The following HNRNPUL1 variants were observed in gnomAD, a reference collection of about 807,000 sequenced individuals.
HNRNPUL1 encodes heterogeneous nuclear ribonucleoprotein U like 1.
Under a neutral mutation model 108.5 loss-of-function variants are expected in HNRNPUL1, and 14 were observed. That is an observed-to-expected ratio of 0.13 (90% confidence interval 0.09 to 0.20). The LOEUF is 0.20. Among genes scored for constraint, HNRNPUL1 ranks in the 10% least tolerant of loss-of-function variants. HNRNPUL1 has a pLI of 1.00. For synonymous variants in HNRNPUL1, 422 were observed against 445.2 expected (o/e 0.95, Z 0.66); for missense variants, 804 against 1,168.3 (o/e 0.69, Z 4.55).
chr19:41,274,778 A>G (rs184660107), intron 4 of HNRNPUL1, among the ~76,000 whole-genome samples: 30 of 152,338 alleles, frequency 2.0e-4, no homozygotes, highest in African/African-American at 7.2e-4. Context: ...ATCTATTTCT[A>G]CAGAAGCTTC....
rs181868819 is a variant in HNRNPUL1 at position 41,271,333 on chromosome 19, T to C, written c.419-749T>C. ...CCACAGACATTCATCAGGAGCCCTGTGTGAGCCCAACCTATTGCTGGGAAC... is the reference window on the plus strand; with the variant it reads ...CCACAGACATTCATCAGGAGCCCTGCGTGAGCCCAACCTATTGCTGGGAAC... On this transcript the variant is annotated intron_variant, in intron 2 of 14. Coordinates refer to ENST00000392006, the MANE Select transcript of HNRNPUL1 (RefSeq NM_007040.6). 3.9e-5 allele frequency among the ~76,000 whole-genome samples: 6 copies of C among 152,322 alleles called. No individual in the cohort carries two copies. In the East Asian group the frequency reaches 9.6e-4, roughly 24 times the overall value.
intron 7 of HNRNPUL1, among the ~76,000 whole-genome samples, chr19:41,289,101 T>G (rs149939880): frequency 6.6e-6 from 1 of 152,272 alleles, no homozygotes; most frequent in East Asian, 1.9e-4. Context: ...TGCCAAAGTC[T>G]GTTCTTTCAG....
chr19:41,279,265 G>A (rs939366090), intron 6 of HNRNPUL1, 89 bp downstream of exon 6: 20 of 883,028 alleles, frequency 2.3e-5, no homozygotes, highest in Middle Eastern at 2.3e-4. Context: ...CTTTTCCAGC[G>A]TCAGACTTAG....
intron 7 of HNRNPUL1, among the ~76,000 whole-genome samples, chr19:41,288,395 C>T (rs1199080314): frequency 6.6e-6 from 1 of 151,992 alleles, no homozygotes; most frequent in Non-Finnish European, 1.5e-5. Context: ...CAGGCATGCG[C>T]CAGCATGCCC....
chr19:41,297,665 A>C lies in HNRNPUL1; in HGVS notation c.1518+2979A>C, dbSNP rs1301196338. 2.6e-5 allele frequency among the ~76,000 whole-genome samples: 4 copies of C among 152,228 alleles called. No homozygotes were observed. In the East Asian group the frequency reaches 7.7e-4, roughly 29 times the overall value. On this transcript the variant is annotated intron_variant, in intron 10 of 14. Transcript: ENST00000392006. ...CCGCAGGGCCATGTTGCCCAAGCCC[A>C]CCCCAGAGTAGGGCACTGTTGCCTG...
At chr19:41,277,599 C>G (rs1005642573) in intron 5 of HNRNPUL1, among the ~76,000 whole-genome samples, 1 of 152,118 alleles carries the variant, frequency 6.6e-6, no homozygotes, top group East Asian at 1.9e-4. Flanking sequence ...CTCTGCCTCC[C>G]GGGTTCAAGC....
chr19:41,273,341 G>A (rs1599774752), intron 3 of HNRNPUL1, among the ~76,000 whole-genome samples: 1 of 152,184 alleles, frequency 6.6e-6, no homozygotes, highest in Admixed American at 6.5e-5. Context: ...AGTGCACTGC[G>A]ACCACCCAGA....
At chr19:41,274,294 G>A (rs1180523321) in intron 4 of HNRNPUL1, among the ~76,000 whole-genome samples, 1 of 152,214 alleles carries the variant, frequency 6.6e-6, no homozygotes, top group Non-Finnish European at 1.5e-5. Context: ...TCAGGAAGGA[G>A]TAAATCTGCT....
At chr19:41,263,840 G>T (rs1044401865), upstream of HNRNPUL1, among the ~76,000 whole-genome samples, 1 of 152,178 alleles carries the variant, frequency 6.6e-6, no homozygotes, top group Non-Finnish European at 1.5e-5. Flanking sequence ...CTAACGGCAA[G>T]GGGCGGGCTC....
chr19:41,263,554 C>T (rs553348901), upstream of HNRNPUL1, among the ~76,000 whole-genome samples: 22 of 152,318 alleles, frequency 1.4e-4, no homozygotes, highest in African/African-American at 5.3e-4. Context: ...TTACAACTTG[C>T]CTCCCGTTGT....
intron 7 of HNRNPUL1, among the ~76,000 whole-genome samples, chr19:41,286,101 C>G (rs1432291485): frequency 6.6e-6 from 1 of 152,058 alleles, no homozygotes; most frequent in African/African-American, 2.4e-5. Flanking sequence ...AAATTAATAG[C>G]CTACTGATAA....
chr19:41,264,488 C>T lies in HNRNPUL1; in HGVS notation c.-16C>T. On this transcript the variant is annotated 5_prime_UTR_variant, in exon 1 of 15. Transcript: ENST00000392006. ...AGGCCGGGCCGGGCTCGGGGGCCAC[C>T]CCGGGGGCCCGGGCCATGGATGTGC... is the stretch of plus-strand genomic sequence containing the variant. 7.4e-7 allele frequency: 1 copy of T among 1,351,376 alleles called. No individual in the cohort carries two copies. The highest frequency in any genetic ancestry group is 9.5e-7 in the Non-Finnish European group (1 of 1,050,524). 83.7% of individuals were successfully genotyped at this position (1,351,376 alleles called of 1,614,324 possible).
intron 7 of HNRNPUL1, among the ~76,000 whole-genome samples, chr19:41,285,024 A>G (rs962471016): frequency 6.6e-6 from 1 of 151,720 alleles, no homozygotes; most frequent in East Asian, 1.9e-4. Context: ...GGGCATACCT[A>G]TAGGCTATAA....
intron 1 of HNRNPUL1, among the ~76,000 whole-genome samples, chr19:41,265,620 T>G (rs1345868137): frequency 6.6e-6 from 1 of 152,034 alleles, no homozygotes; most frequent in Non-Finnish European, 1.5e-5. Context: ...AGAGGATGCT[T>G]TCCTGGACAA....
intron 12 of HNRNPUL1, among the ~76,000 whole-genome samples, 175 bp downstream of exon 12, chr19:41,303,124 A>G (rs1233426835): frequency 1.3e-5 from 2 of 151,594 alleles, no homozygotes; most frequent in Non-Finnish European, 2.9e-5. Flanking sequence ...CCACTTTCCC[A>G]CTCCCTGGAC....
chr19:41,296,406 CAT>C (rs1170349362), intron 10 of HNRNPUL1, among the ~76,000 whole-genome samples: 1 of 152,186 alleles, frequency 6.6e-6, no homozygotes, highest in African/African-American at 2.4e-5. Flanking sequence ...GCTTAAGGGA[CAT>C]GTGGGTCAGG....
chr19:41,306,001 G>A, intron 14 of HNRNPUL1, 134 bp downstream of exon 14: 3 of 647,296 alleles, frequency 4.6e-6, no homozygotes, highest in South Asian at 3.9e-5. Flanking sequence ...TTCATCTGGT[G>A]CAGCCATTCC....
rs564868036 is a variant in HNRNPUL1 at position 41,294,885 on chromosome 19, T to C, written c.1518+199T>C. 1.2e-3 allele frequency among the ~76,000 whole-genome samples: 184 copies of C among 152,292 alleles called. No individual in the cohort carries two copies. The highest frequency in any genetic ancestry group is 2.2e-3 in the Admixed American group (33 of 15,302). On this transcript the variant is annotated intron_variant, in intron 10 of 14. Transcript: ENST00000392006. The surrounding 1 kb of genome is among the most constrained non-coding windows in gnomAD (Gnocchi z 4.3). ...CTGGACTGGGATCATGATCTAGGCCTACTTACTCAGACTCATCAGCAGCCC... is the reference window on the plus strand; with the variant it reads ...CTGGACTGGGATCATGATCTAGGCCCACTTACTCAGACTCATCAGCAGCCC...
chr19:41,283,167 A>G (rs1178016516), intron 7 of HNRNPUL1, among the ~76,000 whole-genome samples: 1 of 152,246 alleles, frequency 6.6e-6, no homozygotes, highest in Non-Finnish European at 1.5e-5. Context: ...AATATCCACA[A>G]ATCTATTACA....
Sources: allele counts gnomAD v4.1 joint callset (sites outside exome capture counted in the v4.1 genomes callset), GRCh38; gene constraint gnomAD v4.1.1; non-coding constraint Gnocchi (gnomAD v3.1); transcripts MANE v1.5; gene names NCBI Gene and HGNC (gene_info 2026-07-23, HGNC 2026-07-21).